PLCB1: variants seen among roughly 807,000 people sequenced by gnomAD.
The protein encoded by PLCB1 is phospholipase C beta 1.
PLCB1 carries 46 observed loss-of-function variants against 161.8 expected under a neutral mutation model. That is an observed-to-expected ratio of 0.28 (90% confidence interval 0.22 to 0.36). PLCB1 has a LOEUF of 0.36. Among genes scored for constraint, PLCB1 ranks in the 10% least tolerant of loss-of-function variants. The pLI, the probability that PLCB1 is intolerant of heterozygous loss-of-function variation, is 1.00. For synonymous variants in PLCB1, 517 were observed against 503.7 expected, an observed-to-expected ratio of 1.03 and a Z score of -0.35; for missense variants, 1,016 against 1,472.5, an observed-to-expected ratio of 0.69 and a Z score of 5.07.
At chr20:8,501,857 T>A (rs984999771) in intron 3 of PLCB1, among the ~76,000 whole-genome samples, 2 of 135,124 alleles carry the variant, frequency 1.5e-5, no homozygotes, top group African/African-American at 2.8e-5. Flanking sequence ...TTAAAAAAGA[T>A]ATATCGCATA....
chr20:8,398,035 C>T (rs2122459658), intron 3 of PLCB1, among the ~76,000 whole-genome samples: 1 of 152,002 alleles, frequency 6.6e-6, no homozygotes, highest in South Asian at 2.1e-4. Context: ...TTACCATTTT[C>T]TACCCCCCTT....
At position 8,644,676 on chromosome 20, in the gene PLCB1, C is replaced by T. The variant is rs553131474; in HGVS notation, c.385-1426C>T. Among the ~76,000 whole-genome samples, 34 of 148,896 alleles carry T rather than the reference C, an allele frequency of 2.3e-4. No homozygotes were observed. The South Asian group carries it at 5.3e-3, about 23-fold the overall frequency. Reference sequence around the variant, plus strand: ...CTGGGAAGTGAGGAGCGTCTCCGCCCGGCAGCCGCCCCGTCCGGGAGGGAG... The same window carrying T: ...CTGGGAAGTGAGGAGCGTCTCCGCCTGGCAGCCGCCCCGTCCGGGAGGGAG... On this transcript the variant is annotated intron_variant, in intron 4 of 31. Transcript: ENST00000338037.
intron 3 of PLCB1, among the ~76,000 whole-genome samples, chr20:8,577,552 A>C (rs371880004): frequency 6.6e-6 from 1 of 152,146 alleles, no homozygotes; most frequent in Non-Finnish European, 1.5e-5. Flanking sequence ...AAACTAAAAA[A>C]TCAAAATATT....
intron 3 of PLCB1, among the ~76,000 whole-genome samples, chr20:8,376,676 C>G (rs1193820643): frequency 6.6e-6 from 1 of 152,172 alleles, no homozygotes; most frequent in Non-Finnish European, 1.5e-5. Context: ...CGCCTGTAAT[C>G]CCAGCACTTT....
At chr20:8,467,530 A>G (rs1255332352) in intron 3 of PLCB1, among the ~76,000 whole-genome samples, 1 of 152,066 alleles carries the variant, frequency 6.6e-6, no homozygotes, top group African/African-American at 2.4e-5. Context: ...GCCTATTTTC[A>G]TGAATATTTG....
At chr20:8,305,617 A>C (rs1364523914) in intron 2 of PLCB1, 1 of 152,166 alleles carries the variant, frequency 6.6e-6, no homozygotes, top group Non-Finnish European at 1.5e-5. Context: ...CAGCCCTGCT[A>C]GTCGCGACTA....
chr20:8,256,948 C>T (rs1981452022), intron 2 of PLCB1: 1 of 152,114 alleles, frequency 6.6e-6, no homozygotes, highest in Non-Finnish European at 1.5e-5. Context: ...ATTGTGTTTT[C>T]TCTGGGAGCA....
rs1316617640 is a variant in PLCB1 at position 8,182,727 on chromosome 20, C to G, written c.177+32356C>G. 3.3e-5 allele frequency among the ~76,000 whole-genome samples: 5 copies of G among 151,708 alleles called. No individual in the cohort carries two copies. The South Asian group carries it at 8.3e-4, about 25-fold the overall frequency. On this transcript the variant is annotated intron_variant, in intron 2 of 31. Coordinates refer to ENST00000338037, the MANE Select transcript of PLCB1 (RefSeq NM_015192.4). ...TCCTGTGTAGCTGGGATTACAGGCG[C>G]CCGCAACCATGCCCGGCTAATTTTT...
intron 3 of PLCB1, among the ~76,000 whole-genome samples, chr20:8,495,051 T>G (rs941025465): frequency 6.6e-6 from 1 of 151,924 alleles, no homozygotes; most frequent in Non-Finnish European, 1.5e-5. Flanking sequence ...GTTTTAAATC[T>G]TTTATGAAAA....
chr20:8,502,048 G>A (rs1344851439), intron 3 of PLCB1, among the ~76,000 whole-genome samples: 1 of 151,102 alleles, frequency 6.6e-6, no homozygotes, highest in Non-Finnish European at 1.5e-5. Context: ...ATGGTTAATA[G>A]CTTCATTTCA....
At chr20:8,724,617 T>G in intron 15 of PLCB1, 39 bp from the exon 16 acceptor site, 1 of 1,121,954 alleles carries the variant, frequency 8.9e-7, no homozygotes, top group Non-Finnish European at 1.4e-6. Flanking sequence ...AATATAATGC[T>G]GACTCTGGAA....
chr20:8,268,837 A>T (rs1263642622), intron 2 of PLCB1, among the ~76,000 whole-genome samples: 1 of 151,296 alleles, frequency 6.6e-6, no homozygotes, highest in African/African-American at 2.4e-5. Flanking sequence ...TTCTCTATGT[A>T]TTTTTTTTAA....
chr20:8,863,022 G>A (rs2146315382), intron 31 of PLCB1, among the ~76,000 whole-genome samples: 1 of 152,284 alleles, frequency 6.6e-6, no homozygotes, highest in East Asian at 1.9e-4. Context: ...TGTAGACTAT[G>A]CACCTTAGAG....
intron 2 of PLCB1, among the ~76,000 whole-genome samples, chr20:8,200,197 T>C (rs1271178102): frequency 1.3e-5 from 2 of 152,116 alleles, no homozygotes; most frequent in Admixed American, 6.6e-5. Context: ...ATGATTATAA[T>C]AATGTGATCA....
In PLCB1 at chr20:8,729,145, A is replaced by G; in HGVS notation, c.1859A>G (p.Gln620Arg). ...CAGCTCTTCTGGAATGCAGGTTGTC[A>G]GATGGTGGCACTTAATTTCCAGACA... ...MPQLFWNAGC[Q>R]MVALNFQTMD... Residue 620 changes from glutamine to arginine, a missense_variant, in exon 18 of 32, where the codon CAG (glutamine) becomes CGG (arginine). Physicochemically the swap from Gln to Arg is conservative, Grantham distance 43. Around this residue, in one of 10 missense-constraint regions of PLCB1, gnomAD observed 67 missense variants for 195.6 expected, o/e 0.34. Transcript: ENST00000338037. 6.2e-7 allele frequency: 1 copy of G among 1,612,120 alleles called. No individual in the cohort carries two copies. The highest frequency in any genetic ancestry group is 8.5e-7 in the Non-Finnish European group (1 of 1,178,686).
At chr20:8,615,162 A>G (rs1271529288) in intron 3 of PLCB1, among the ~76,000 whole-genome samples, 3 of 152,154 alleles carry the variant, frequency 2.0e-5, no homozygotes, top group Admixed American at 6.5e-5. Flanking sequence ...TATTCTTTAA[A>G]GCTCTTCATA....
At chr20:8,690,276 G>GAGAACAGCAGGTGTTACAACAGAGAA (rs1990446895) in intron 10 of PLCB1, among the ~76,000 whole-genome samples, 1 of 151,768 alleles carries the variant, frequency 6.6e-6, no homozygotes, top group Non-Finnish European at 1.5e-5. Flanking sequence ...CCAATACACT[G>GAGAACAGCAGGTGTTACAACAGAGAA]AGAACAGCAG....
chr20:8,422,111 T>G (rs1466164266), intron 3 of PLCB1, among the ~76,000 whole-genome samples: 1 of 152,192 alleles, frequency 6.6e-6, no homozygotes, highest in Non-Finnish European at 1.5e-5. Flanking sequence ...CTCAATTTGT[T>G]TTGTGAATTA....
chr20:8,265,743 A>G (rs2123251883), intron 2 of PLCB1, among the ~76,000 whole-genome samples: 1 of 152,350 alleles, frequency 6.6e-6, no homozygotes, highest in East Asian at 1.9e-4. Flanking sequence ...ACAAAATCAT[A>G]GTCTTTTTCT....
Sources: allele counts gnomAD v4.1 joint callset (sites outside exome capture counted in the v4.1 genomes callset), GRCh38; gene constraint gnomAD v4.1.1; regional missense constraint gnomAD v4.1.1; transcripts MANE v1.5; gene names NCBI Gene and HGNC (gene_info 2026-07-23, HGNC 2026-07-21).